The following TEFM variants were observed in gnomAD, a reference collection of about 807,000 sequenced individuals.
The protein encoded by TEFM is transcription elongation factor of mitochondria.
Under a neutral mutation model 23.0 loss-of-function variants are expected in TEFM, and 14 were observed. The ratio of observed to expected loss-of-function variants is 0.61; its 90% CI spans 0.40 to 0.95. TEFM has a LOEUF of 0.95. Ranked by LOEUF, TEFM falls within the 40% of genes least tolerant of loss-of-function variation. The probability of loss-of-function intolerance (pLI) is 0.00; values close to 1 mark genes in which losing one functional copy is unlikely to be tolerated. For missense variants in TEFM, 386 were observed against 425.5 expected (o/e 0.91, Z 0.82); for synonymous variants, 155 against 158.3 (o/e 0.98, Z 0.16).
At chr17:30,901,897 C>T (rs185178381) in intron 2 of TEFM, among the ~76,000 whole-genome samples, 34 of 152,278 alleles carry the variant, frequency 2.2e-4, no homozygotes, top group African/African-American at 7.0e-4. Context: ...AGAATTAATA[C>T]ATAGGTTTAA....
At chr17:30,901,969 G>A (rs1397592956) in intron 2 of TEFM, among the ~76,000 whole-genome samples, 6 of 152,172 alleles carry the variant, frequency 3.9e-5, no homozygotes, top group African/African-American at 1.2e-4. Context: ...TAATGATGAC[G>A]AAGATAGGAG....
chr17:30,901,133 G>T (rs1030078109), intron 2 of TEFM, among the ~76,000 whole-genome samples: 2 of 152,116 alleles, frequency 1.3e-5, no homozygotes, highest in African/African-American at 4.8e-5. Flanking sequence ...CAATCCTTCT[G>T]CCTCAGCTTC....
In TEFM at chr17:30,904,296, G is replaced by A. The variant is rs1286605759; in HGVS notation, c.265C>T (p.Arg89Ter). 2.5e-6 allele frequency: 4 copies of A among 1,614,136 alleles called. No homozygotes were observed. The highest frequency in any genetic ancestry group is 1.1e-5 in the South Asian group (1 of 91,084). ...ATGGACCTTCTTCCACGAAGCAATC[G>A]GAAAGCTTCAAGTTCTTTAGTAGAT... ...TASTKELEAF[R>*]LLRGRRSINI... Residue 89 changes from arginine to a stop codon, truncating the protein, a stop_gained, in exon 2 of 4, where the codon CGA becomes TGA. Transcript: ENST00000581216. LOFTEE classifies it high-confidence loss of function.
chr17:30,899,704 T>C, intron 3 of TEFM, 98 bp from the exon 4 acceptor site: 2 of 799,254 alleles, frequency 2.5e-6, no homozygotes, highest in Non-Finnish European at 3.6e-6. Context: ...ATATTATAAT[T>C]AGTTAATTTA....
rs759637941 is a variant in TEFM, at chr17:30,899,618, A to C, written c.646-12T>G. On this transcript the variant is annotated splice_polypyrimidine_tract_variant and intron_variant, in intron 3 of 3. Transcript: ENST00000581216. ...ATGATCGAGGAAATCTTTTTAAAAA[A>C]AGACAAAATAAAGGAACAGAAATAA... The C allele has an allele frequency of 8.1e-6, 12 of 1,482,074 alleles. No individual in the cohort carries two copies. The highest frequency in any genetic ancestry group is 1.9e-4 in the Middle Eastern group (1 of 5,366). 91.8% of individuals were successfully genotyped at this position (1,482,074 alleles called of 1,614,324 possible).
intron 2 of TEFM, among the ~76,000 whole-genome samples, chr17:30,903,273 C>G (rs184033326): frequency 7.4e-6 from 1 of 135,082 alleles, no homozygotes; most frequent in East Asian, 2.3e-4. Flanking sequence ...TGTAGCCAGG[C>G]TGGAGTGCAC....
In TEFM at chr17:30,904,081, T is replaced by C. The variant is rs1178235425; in HGVS notation, c.480A>G (p.Glu160=). The part of the protein sequence containing the change: ...FLRKLLKPDI[E]RERLKAVNSI... ...AAGAATATACCTTAAGTCTTTCTCT[T>C]TCTATGTCTGGTTTGAGGAGCTTTC... The change falls in exon 2 of 4, where the codon GAA becomes GAG. Residue 160 remains glutamate (E), a synonymous_variant. Coordinates refer to ENST00000581216, the MANE Select transcript of TEFM (RefSeq NM_024683.4). The C allele has an allele frequency of 6.2e-7, 1 of 1,613,290 alleles. No individual in the cohort carries two copies. Among genetic ancestry groups the C allele is most frequent in the South Asian group, 1.1e-5 (1 of 90,834 alleles).
Position 30,904,177 on chromosome 17 carries a change from T to A in TEFM, c.384A>T (p.Gln128His). The part of the protein sequence containing the change: ...VPLFKYKSTV[Q>H]VCNSILCPKT... ...TTGGACAAAGTATGGAGTTACAAACTTGAACTGTACTTTTATACTTAAACA... is the reference window on the plus strand; with the variant it reads ...TTGGACAAAGTATGGAGTTACAAACATGAACTGTACTTTTATACTTAAACA... Residue 128 changes from glutamine to histidine, a missense_variant, in exon 2 of 4, where the codon CAA becomes CAT. Coordinates refer to ENST00000581216, the MANE Select transcript of TEFM (RefSeq NM_024683.4). The A allele has an allele frequency of 6.2e-7, 1 of 1,614,192 alleles. No individual in the cohort carries two copies. The highest frequency in any genetic ancestry group is 1.1e-5 in the South Asian group (1 of 91,076).
chr17:30,902,304 A>C (rs931119827), intron 2 of TEFM, among the ~76,000 whole-genome samples: 1 of 152,228 alleles, frequency 6.6e-6, no homozygotes, highest in Non-Finnish European at 1.5e-5. Context: ...AATAGTATAG[A>C]TGCCCAAAAT....
intron 2 of TEFM, 58 bp from the exon 3 acceptor site, chr17:30,900,620 G>C: frequency 6.6e-7 from 1 of 1,505,164 alleles, no homozygotes; most frequent in Non-Finnish European, 9.1e-7. Flanking sequence ...TTCTTTTTTT[G>C]AGACGGAGTC....
chr17:30,905,454 A>T (rs1213785923), intron 1 of TEFM, among the ~76,000 whole-genome samples: 1 of 147,094 alleles, frequency 6.8e-6, no homozygotes, highest in East Asian at 2.1e-4. Flanking sequence ...CGGAAGGCGG[A>T]GGTTGCGGTG....
chr17:30,900,323 T>C, intron 3 of TEFM, 90 bp downstream of exon 3: 1 of 1,263,024 alleles, frequency 7.9e-7, no homozygotes, highest in Non-Finnish European at 1.1e-6. Context: ...AACCCATCTT[T>C]ACTATTTTAT....
Position 30,900,556 on chromosome 17 carries a change from T to C in TEFM, c.502A>G (p.Asn168Asp), listed in dbSNP as rs770056252. 16 of 1,611,032 alleles carry C rather than the reference T, an allele frequency of 9.9e-6. No individual in the cohort carries two copies. Among genetic ancestry groups the C allele is most frequent in the Non-Finnish European group, 1.4e-5 (16 of 1,178,886 alleles). ...DIERERLKAVNSIISIVFGTR... is the reference protein window; with the variant it reads ...DIERERLKAVDSIISIVFGTR... ...CCAAAAACGATAGATATGATACTAT[T>C]AACTGCCTAAAAGAAAAGACTGATT... Residue 168 changes from asparagine to aspartate, a missense_variant, in exon 3 of 4, where the codon AAT becomes GAT. Transcript: ENST00000581216.
intron 2 of TEFM, 23 bp downstream of exon 2, chr17:30,904,043 T>C: frequency 5.0e-6 from 8 of 1,593,482 alleles, no homozygotes; most frequent in Middle Eastern, 1.7e-4. Flanking sequence ...TATTAGGCAG[T>C]ATAGCAGACA....
At position 30,900,004 on chromosome 17, in the gene TEFM, T is replaced by C. The variant is rs149607301; in HGVS notation, c.646-398A>G. On this transcript the variant is annotated intron_variant, in intron 3 of 3. Transcript: ENST00000581216. ...GCAACTGACTAATCACATCAGATGCTTGACTGAACCACAGATTTCATATGT... is the reference window on the plus strand; with the variant it reads ...GCAACTGACTAATCACATCAGATGCCTGACTGAACCACAGATTTCATATGT... 1.4e-3 allele frequency: 376 copies of C among 275,198 alleles called. 3 individuals carry two copies. The highest frequency in any genetic ancestry group is 7.4e-3 in the African/African-American group (341 of 45,980). The allele number at this position is 275,198 out of a possible 1,614,324, so 17.0% of individuals were successfully genotyped here.
chr17:30,901,873 C>CA lies in TEFM; in HGVS notation c.496-1312dup, dbSNP rs532140529. Among the ~76,000 whole-genome samples, 13 of 152,228 alleles carry CA rather than the reference C, an allele frequency of 8.5e-5. No individual in the cohort carries two copies. In the East Asian group the frequency reaches 2.5e-3, roughly 29 times the overall value. ...AAGACAATGACAGAAGGAAAAGAAACAGATAGTGGGAGCAGAATTAATACA... is the reference window on the plus strand; with the variant it reads ...AAGACAATGACAGAAGGAAAAGAAACAAGATAGTGGGAGCAGAATTAATACA... On this transcript the variant is annotated intron_variant, in intron 2 of 3. Coordinates refer to ENST00000581216, the MANE Select transcript of TEFM (RefSeq NM_024683.4).
At chr17:30,901,751 GA>G (rs1910051665) in intron 2 of TEFM, among the ~76,000 whole-genome samples, 1 of 152,168 alleles carries the variant, frequency 6.6e-6, no homozygotes, top group African/African-American at 2.4e-5. Flanking sequence ...TTACATTTCA[GA>G]AAAATCACTG....
intron 1 of TEFM, 121 bp from the exon 2 acceptor site, chr17:30,904,650 A>G (rs533645968): frequency 4.5e-6 from 3 of 660,582 alleles, no homozygotes; most frequent in Middle Eastern, 5.1e-4. Context: ...GAACTAATAG[A>G]GGACAATATT....
chr17:30,899,206 G>A lies in TEFM; in HGVS notation c.1046C>T (p.Ala349Val). The change falls in exon 4 of 4, where the codon GCC becomes GTC. Residue 349 changes from alanine (A) to valine (V), a missense_variant. Physicochemically the swap from Ala to Val is moderately conservative, Grantham distance 64 (BLOSUM62 0). Transcript: ENST00000581216. ...ELYDSLLQAI[A>V]FYELAVFDSQ... ...GTCAAACACTGCTAATTCATAGAAG[G>A]CAATAGCTTGTAATAATGAATCATA... 6.2e-7 allele frequency: 1 copy of A among 1,609,596 alleles called. No homozygotes were observed. Among genetic ancestry groups the A allele is most frequent in the South Asian group, 1.1e-5 (1 of 90,862 alleles).
Sources: gnomAD v4.1 joint callset for allele counts (sites outside exome capture counted in the v4.1 genomes callset) on GRCh38, gnomAD v4.1.1 for gene constraint, MANE v1.5 for transcripts, NCBI Gene and HGNC (gene_info 2026-07-23, HGNC 2026-07-21) for gene names.